The following SVIL variants were observed in gnomAD, a reference collection of about 807,000 sequenced individuals.
SVIL encodes archvillin.
A neutral mutation model predicts 240.4 loss-of-function variants in SVIL; 101 were observed. The ratio of observed to expected loss-of-function variants is 0.42; its 90% confidence interval spans 0.36 to 0.50. The LOEUF is 0.50. SVIL is among the 20% of genes least tolerant of loss of function. The pLI is 0.01. For missense variants in SVIL, 2,512 were observed against 2,818.7 expected (o/e 0.89, Z 2.46); for synonymous variants, 999 against 1,100.0 (o/e 0.91, Z 1.82).
chr10:29,506,756 G>T (rs796974381), intron 17 of SVIL, among the ~76,000 whole-genome samples: 10 of 140,514 alleles, frequency 7.1e-5, no homozygotes, highest in African/African-American at 2.2e-4. Context: ...CTAGAGGGAG[G>T]GGACAGAGGC....
At chr10:29,470,821 G>T (rs1036421617) in intron 31 of SVIL, among the ~76,000 whole-genome samples, 3 of 151,970 alleles carry the variant, frequency 2.0e-5, no homozygotes, top group Admixed American at 6.5e-5. Context: ...TGGGGGGTGG[G>T]GTGCTGGTCA....
intron 1 of SVIL, chr10:29,602,225 A>G (rs1288031760): frequency 1.9e-6 from 1 of 528,402 alleles, no homozygotes; most frequent in African/African-American, 1.9e-5. Flanking sequence ...AAACTTAATG[A>G]TGTTTCATGA....
At chr10:29,581,003 G>A (rs1441489588) in intron 1 of SVIL, among the ~76,000 whole-genome samples, 1 of 152,168 alleles carries the variant, frequency 6.6e-6, no homozygotes, top group Non-Finnish European at 1.5e-5. Context: ...ACTAGCAGTT[G>A]TCTGAATACA....
intron 6 of SVIL, among the ~76,000 whole-genome samples, chr10:29,549,241 C>T (rs917967397): frequency 1.4e-5 from 2 of 145,180 alleles, no homozygotes; most frequent in Non-Finnish European, 3.0e-5. Context: ...CAAAAGAAGA[C>T]ATTTATGCAG....
chr10:29,488,801 C>T (rs1237318836), intron 22 of SVIL, 45 bp from the exon 23 acceptor site: 5 of 1,575,754 alleles, frequency 3.2e-6, no homozygotes, highest in Non-Finnish European at 3.4e-6. Context: ...GGTTCAGTTA[C>T]AGTGACAATA....
chr10:29,528,893 A>C (rs776676646), intron 12 of SVIL, among the ~76,000 whole-genome samples: 2 of 152,120 alleles, frequency 1.3e-5, no homozygotes, highest in Non-Finnish European at 2.9e-5. Flanking sequence ...ATCAAACTGC[A>C]ATTTAATTTT....
intron 2 of SVIL, among the ~76,000 whole-genome samples, chr10:29,683,789 C>T (rs182868793): frequency 3.9e-5 from 6 of 152,256 alleles, no homozygotes; most frequent in African/African-American, 1.2e-4. Flanking sequence ...GCCAGGCCCT[C>T]ACTCTCCATG....
rs1434771939 is a variant in SVIL, at chr10:29,487,271, C to T, written c.4377G>A (p.Val1459=). 6.2e-7 allele frequency: 1 copy of T among 1,614,148 alleles called. No homozygotes were observed. The highest frequency in any genetic ancestry group is 8.5e-7 in the Non-Finnish European group (1 of 1,180,014). Residue 1459 remains valine (V), a synonymous_variant, in exon 24 of 38, where the codon GTG becomes GTA. Coordinates refer to ENST00000355867, the MANE Select transcript of SVIL (RefSeq NM_021738.3). ...KGRRHVQTRL[V]EPRASALNSG... is the part of the protein sequence containing the mutation. ...TGTTGAGCGCCGAAGCTCGAGGTTC[C>T]ACCAGCCTGGTCTGCACATGTCTTC...
At chr10:29,704,925 A>G (rs571384194) in intron 1 of SVIL, among the ~76,000 whole-genome samples, 1 of 152,306 alleles carries the variant, frequency 6.6e-6, no homozygotes, top group Admixed American at 6.5e-5. Flanking sequence ...TAAAGAAGCA[A>G]TTTAAAAAAT....
At chr10:29,603,303 A>C (rs1956885807) in intron 1 of SVIL, among the ~76,000 whole-genome samples, 1 of 152,160 alleles carries the variant, frequency 6.6e-6, no homozygotes, top group South Asian at 2.1e-4. Context: ...TTTATAAAGA[A>C]GAAAAAGAGA....
intron 3 of SVIL, chr10:29,643,987 G>A (rs559995579): frequency 3.9e-5 from 20 of 518,546 alleles, no homozygotes; most frequent in South Asian, 1.4e-4. Flanking sequence ...GAGCAACATC[G>A]CGTTCCTGGA....
intron 27 of SVIL, among the ~76,000 whole-genome samples, chr10:29,482,021 C>CTTTTTTTTTTTT (rs35856299): frequency 6.2e-5 from 7 of 113,402 alleles, no homozygotes; most frequent in South Asian, 2.6e-4. Flanking sequence ...CTTTTCTTTT[C>CTTTTTTTTTTTT]TTTTTTTTTT....
intron 1 of SVIL, among the ~76,000 whole-genome samples, chr10:29,687,206 C>T (rs774047982): frequency 3.0e-4 from 46 of 152,148 alleles, no homozygotes; most frequent in Admixed American, 2.2e-3. Context: ...TATTCGATTC[C>T]GCACTGATAA....
intron 3 of SVIL, among the ~76,000 whole-genome samples, chr10:29,645,439 G>A (rs769245741): frequency 1.3e-5 from 2 of 152,012 alleles, no homozygotes; most frequent in East Asian, 1.9e-4. Flanking sequence ...GTGTGGTGGC[G>A]GGCTCTTGTA....
At chr10:29,665,250 AAG>A (rs1959212642) in intron 2 of SVIL, among the ~76,000 whole-genome samples, 1 of 150,704 alleles carries the variant, frequency 6.6e-6, no homozygotes, top group Admixed American at 6.6e-5. Context: ...AAAAAAAAAA[AAG>A]GAGGCAAACG....
chr10:29,652,320 C>T (rs1194620475), intron 3 of SVIL, among the ~76,000 whole-genome samples: 1 of 152,172 alleles, frequency 6.6e-6, no homozygotes, highest in Non-Finnish European at 1.5e-5. Flanking sequence ...TCTTTGGTGT[C>T]TGGCTTCTTT....
intron 1 of SVIL, among the ~76,000 whole-genome samples, chr10:29,580,519 G>C (rs1297009231): frequency 6.6e-6 from 1 of 152,182 alleles, no homozygotes; most frequent in African/African-American, 2.4e-5. Context: ...GTATTGAAAA[G>C]GGATTCAGGT....
intron 2 of SVIL, among the ~76,000 whole-genome samples, chr10:29,683,647 C>G (rs1960834351): frequency 6.6e-6 from 1 of 152,184 alleles, no homozygotes. Context: ...CTTCTCCCTC[C>G]CAACCTAGCA....
intron 27 of SVIL, chr10:29,483,382 A>G (rs1260841087): frequency 6.6e-6 from 1 of 152,194 alleles, no homozygotes; most frequent in Non-Finnish European, 1.5e-5. Flanking sequence ...AGGTCTGGGT[A>G]TGTAATCCTG....
Sources: gnomAD v4.1 joint callset for allele counts (sites outside exome capture counted in the v4.1 genomes callset) on GRCh38, gnomAD v4.1.1 for gene constraint, MANE v1.5 for transcripts, NCBI Gene and HGNC (gene_info 2026-07-23, HGNC 2026-07-21) for gene names.